WWP2: variants seen among roughly 807,000 people sequenced by gnomAD.
WWP2 encodes WW domain containing E3 ubiquitin protein ligase 2, also known as NEDD4-like E3 ubiquitin-protein ligase WWP2.
WWP2 carries 57 observed loss-of-function variants against 121.0 expected under a neutral mutation model. The ratio of observed to expected loss-of-function variants is 0.47; its 90% CI spans 0.38 to 0.59. The LOEUF (loss-of-function observed/expected upper bound fraction) is 0.59. WWP2 is among the 20% of genes least tolerant of loss of function. The probability of loss-of-function intolerance (pLI) is 0.00; values close to 1 mark genes in which losing one functional copy is unlikely to be tolerated. For missense variants in WWP2, 962 were observed against 1,158.9 expected, an observed-to-expected ratio of 0.83 and a Z score of 2.47; for synonymous variants, 449 against 441.3, an observed-to-expected ratio of 1.02 and a Z score of -0.22.
rs753935125 is a variant in WWP2, at chr16:69,930,266, C to T, written c.1445+8C>T. 3.1e-6 allele frequency: 5 copies of T among 1,613,544 alleles called. No homozygotes were observed. The highest frequency in any genetic ancestry group is 3.4e-6 in the Non-Finnish European group (4 of 1,179,724). On this transcript the variant is annotated splice_region_variant and intron_variant, in intron 13 of 23. Transcript: ENST00000359154. Reference sequence around the variant, plus strand: ...CCCGGGGTTTGAGTCGGGGTAAGGACTTTGTGCAGGTAGCAGCAGTGTCAG... The same window carrying T: ...CCCGGGGTTTGAGTCGGGGTAAGGATTTTGTGCAGGTAGCAGCAGTGTCAG...
At chr16:69,927,448 TA>T (rs1211770324) in intron 11 of WWP2, among the ~76,000 whole-genome samples, 1 of 152,218 alleles carries the variant, frequency 6.6e-6, no homozygotes, top group East Asian at 1.9e-4. Context: ...TGTGGCTGAA[TA>T]TGTCTGAGTC....
rs1479432744 is a variant in WWP2 at position 69,799,074 on chromosome 16, T to C, written c.219-100T>C. The C allele has an allele frequency of 3.3e-5, 50 of 1,523,460 alleles. No homozygotes were observed. The highest frequency in any genetic ancestry group is 4.2e-5 in the Non-Finnish European group (48 of 1,134,258). The allele number at this position is 1,523,460 out of a possible 1,614,324, so 94.4% of individuals were successfully genotyped here. ...ATATGTGGGTGTCTGCCTGTTTTGG[T>C]TCCCCCTCCCCAAGATGTCAGCAGT... On this transcript the variant is annotated intron_variant, in intron 3 of 23. Transcript: ENST00000359154. The surrounding 1 kb of genome is among the most constrained non-coding windows in gnomAD (Gnocchi z 4.5).
Position 69,802,623 on chromosome 16 carries a change from CAG to C in WWP2, c.340+3329_340+3330del, listed in dbSNP as rs201592963. 1.0e-2 allele frequency among the ~76,000 whole-genome samples: 1,453 copies of C among 145,338 alleles called. 24 individuals carry two copies. Among genetic ancestry groups the C allele is most frequent in the African/African-American group, 0.035 (1,381 of 38,986 alleles). On this transcript the variant is annotated intron_variant, in intron 4 of 23. Coordinates refer to ENST00000359154, the MANE Select transcript of WWP2 (RefSeq NM_001270454.2). The stretch of plus-strand genomic sequence containing the variant: ...CCTTTTGTTTTTTTTTTTTTTGAGA[CAG>C]GGTCTCGCACTGTCGCTCAGGCTGG...
At chr16:69,864,654 G>A (rs1017333752) in intron 6 of WWP2, among the ~76,000 whole-genome samples, 4 of 151,370 alleles carry the variant, frequency 2.6e-5, no homozygotes, top group African/African-American at 9.7e-5. Context: ...GGGTTCAAGC[G>A]ATCTCCTGCC....
At chr16:69,779,110 C>T (rs186486764) in intron 1 of WWP2, among the ~76,000 whole-genome samples, 143 of 151,022 alleles carry the variant, frequency 9.5e-4, no homozygotes, top group Non-Finnish European at 1.4e-3. Context: ...CCACCACACC[C>T]GGCTAATTTG....
chr16:69,798,454 G>A (rs1170326960), intron 2 of WWP2, among the ~76,000 whole-genome samples: 1 of 150,724 alleles, frequency 6.6e-6, no homozygotes, highest in African/African-American at 2.5e-5. Context: ...ATCACTGGCA[G>A]TTATCCCAGT....
At chr16:69,888,304 T>C in intron 8 of WWP2, 55 bp downstream of exon 8, 2 of 1,551,582 alleles carry the variant, frequency 1.3e-6, no homozygotes, top group South Asian at 1.2e-5. Flanking sequence ...CTGAGGCTCC[T>C]TTACGGGGGT....
At chr16:69,887,929 T>C in intron 7 of WWP2, 110 bp from the exon 8 acceptor site, 2 of 1,310,818 alleles carry the variant, frequency 1.5e-6, no homozygotes, top group Non-Finnish European at 2.1e-6. Flanking sequence ...CCAATACATG[T>C]AGTGTAACAT....
chr16:69,764,850 C>T (rs2038694358), intron 1 of WWP2, among the ~76,000 whole-genome samples: 1 of 152,154 alleles, frequency 6.6e-6, no homozygotes, highest in Admixed American at 6.5e-5. Context: ...AGTAAACGAT[C>T]ATATAATGTA....
At chr16:69,919,991 T>A (rs11647767) in intron 10 of WWP2, among the ~76,000 whole-genome samples, 100,770 of 151,550 alleles carry the variant, frequency 0.66, 33,930 homozygotes, top group East Asian at 0.96. Context: ...GATGGGGTTT[T>A]GCCATGTTGC....
chr16:69,885,081 CACT>C (rs1409718860), intron 7 of WWP2, among the ~76,000 whole-genome samples: 1 of 149,246 alleles, frequency 6.7e-6, no homozygotes, highest in African/African-American at 2.5e-5. Flanking sequence ...ACACACACAC[CACT>C]CTTTTACAAA....
chr16:69,814,295 G>A (rs2056449489), intron 4 of WWP2, among the ~76,000 whole-genome samples: 1 of 152,080 alleles, frequency 6.6e-6, no homozygotes, highest in South Asian at 2.1e-4. Flanking sequence ...AGAGTTGCTG[G>A]AACTACAGGC....
intron 4 of WWP2, among the ~76,000 whole-genome samples, chr16:69,818,834 A>AC (rs1370257147): frequency 1.3e-5 from 2 of 150,958 alleles, no homozygotes; most frequent in Admixed American, 6.6e-5. Flanking sequence ...TTGTTAATTT[A>AC]CCCCCCTTTC....
At chr16:69,897,091 C>T (rs1009898200) in intron 8 of WWP2, among the ~76,000 whole-genome samples, 10 of 150,814 alleles carry the variant, frequency 6.6e-5, no homozygotes, top group South Asian at 2.1e-4. Flanking sequence ...GGTCTCTCCC[C>T]GTCTTTTTTT....
intron 4 of WWP2, among the ~76,000 whole-genome samples, chr16:69,831,686 A>T (rs1392642897): frequency 1.3e-5 from 2 of 152,158 alleles, no homozygotes; most frequent in Non-Finnish European, 2.9e-5. Context: ...AATAAGAGTG[A>T]GAGTTATTCC....
At chr16:69,815,053 G>A (rs1288540798) in intron 4 of WWP2, among the ~76,000 whole-genome samples, 1 of 151,760 alleles carries the variant, frequency 6.6e-6, no homozygotes, top group Non-Finnish European at 1.5e-5. Context: ...TTCAGGCTGG[G>A]GTGTAGTGGG....
chr16:69,770,404 G>T (rs1346755959), intron 1 of WWP2, among the ~76,000 whole-genome samples: 1 of 152,180 alleles, frequency 6.6e-6, no homozygotes. Context: ...CTGGGTTTGG[G>T]GAGCTTCTGG....
At chr16:69,914,312 C>T (rs1016724241) in intron 9 of WWP2, among the ~76,000 whole-genome samples, 23 of 152,056 alleles carry the variant, frequency 1.5e-4, no homozygotes, top group African/African-American at 5.3e-4. Context: ...AAAAAAGACT[C>T]ACCCCAAGGC....
intron 2 of WWP2, among the ~76,000 whole-genome samples, chr16:69,790,904 C>T (rs766633308): frequency 3.9e-5 from 6 of 152,036 alleles, no homozygotes; most frequent in African/African-American, 7.2e-5. Flanking sequence ...TATTTAAGGG[C>T]GGTTGTATTT....
Sources: gnomAD v4.1 joint callset for allele counts (sites outside exome capture counted in the v4.1 genomes callset) on GRCh38, gnomAD v4.1.1 for gene constraint, Gnocchi (gnomAD v3.1) non-coding constraint, MANE v1.5 for transcripts, NCBI Gene and HGNC (gene_info 2026-07-23, HGNC 2026-07-21) for gene names.